NUDT4: variants seen among roughly 807,000 people sequenced by gnomAD.
NUDT4 encodes nudix hydrolase 4.
In NUDT4, 5 loss-of-function variants were observed where a neutral mutation model predicts 23.1. The ratio of observed to expected loss-of-function variants is 0.22; its 90% CI spans 0.11 to 0.46. The LOEUF is 0.46. NUDT4 is among the 20% of genes least tolerant of loss of function. The pLI is 0.99. For missense variants in NUDT4, 96 were observed against 211.6 expected (o/e 0.45, Z 3.39); for synonymous variants, 50 against 79.0 (o/e 0.63, Z 1.95).
At chr12:93,389,746 C>G (rs1876354140) in intron 1 of NUDT4, among the ~76,000 whole-genome samples, 1 of 150,042 alleles carries the variant, frequency 6.7e-6, no homozygotes, top group Non-Finnish European at 1.5e-5. Flanking sequence ...ACTAAAAGTA[C>G]CAAAATGAGC....
intron 1 of NUDT4, among the ~76,000 whole-genome samples, chr12:93,386,214 C>T (rs1323138718): frequency 6.6e-6 from 1 of 151,904 alleles, no homozygotes; most frequent in African/African-American, 2.4e-5. Context: ...TAGACTCAGT[C>T]CGCCTGCCTT....
chr12:93,385,906 T>C lies in NUDT4; in HGVS notation c.99+7485T>C, dbSNP rs556030074. Among the ~76,000 whole-genome samples the C allele has an allele frequency of 8.7e-3, 1,060 of 121,336 alleles. 14 individuals carry two copies. Among genetic ancestry groups the C allele is most frequent in the African/African-American group, 0.037 (1,023 of 27,440 alleles). The allele number at this position is 121,336 out of a possible 152,430, so 79.6% of individuals were successfully genotyped here. ...AAATTTGATTTTAGATTTCTGCATG[T>C]ATAGATTTTATATATATATATATAG... On this transcript the variant is annotated intron_variant, in intron 1 of 4. Coordinates refer to ENST00000415493, the MANE Select transcript of NUDT4 (RefSeq NM_019094.6).
In NUDT4 at chr12:93,391,740, TATC is replaced by T. The variant is rs1386008263; in HGVS notation, c.100-2859_100-2857del. ...TGTCCAAGTGAGACCCTGTCTTAGT[TATC>T]ATCATCATCTCTATGCACACTGGGA... On this transcript the variant is annotated intron_variant, in intron 1 of 4. Coordinates refer to ENST00000415493, the MANE Select transcript of NUDT4 (RefSeq NM_019094.6). Among the ~76,000 whole-genome samples the T allele has an allele frequency of 2.6e-5, 4 of 151,990 alleles. No individual in the cohort carries two copies. In the East Asian group the frequency reaches 7.7e-4, roughly 29 times the overall value.
In NUDT4 at chr12:93,407,669, T is replaced by A. The variant is rs908249715; in HGVS notation, c.*8290T>A. On this transcript the variant is annotated 3_prime_UTR_variant, in exon 5 of 5. Transcript: ENST00000415493. Reference sequence around the variant, plus strand: ...AAGTTACCCGAATTCTGGATTTTCATGCAAATCTCCCAATTTTTAAAAATG... The same window carrying A: ...AAGTTACCCGAATTCTGGATTTTCAAGCAAATCTCCCAATTTTTAAAAATG... The A allele has an allele frequency of 6.6e-5, 10 of 152,226 alleles. No individual in the cohort carries two copies. Among genetic ancestry groups the A allele is most frequent in the African/African-American group, 2.2e-4 (9 of 41,444 alleles). 9.4% of individuals were successfully genotyped at this position (152,226 alleles called of 1,614,324 possible).
chr12:93,405,397 C>CT lies in NUDT4; in HGVS notation c.*6019dup, dbSNP rs1189119235. ...GTAGAGACAGAGGTTGGTATCAAGT[C>CT]TATGTTCATACACTTACCAGTGCCA... On this transcript the variant is annotated 3_prime_UTR_variant, in exon 5 of 5. Coordinates refer to ENST00000415493, the MANE Select transcript of NUDT4 (RefSeq NM_019094.6). The CT allele has an allele frequency of 2.6e-5, 4 of 152,186 alleles. No homozygotes were observed. The highest frequency in any genetic ancestry group is 4.4e-5 in the Non-Finnish European group (3 of 68,030). 9.4% of individuals were successfully genotyped at this position (152,186 alleles called of 1,614,324 possible). A position where few individuals can be genotyped will look rare whatever the true frequency, so the allele number is the denominator to read the frequency against.
chr12:93,385,968 T>TATATATATATATATATATATACAC (rs1555193197), intron 1 of NUDT4, among the ~76,000 whole-genome samples: 1 of 133,618 alleles, frequency 7.5e-6, no homozygotes, highest in African/African-American at 2.8e-5. Flanking sequence ...TATATATATA[T>TATATATATATATATATATATACAC]ATACATAATT....
At chr12:93,379,855 A>G (rs1875529729) in intron 1 of NUDT4, among the ~76,000 whole-genome samples, 1 of 152,260 alleles carries the variant, frequency 6.6e-6, no homozygotes, top group Non-Finnish European at 1.5e-5. Flanking sequence ...AACTTTAAAT[A>G]TAAAAGAAAT....
chr12:93,384,842 C>T (rs754356284), intron 1 of NUDT4, among the ~76,000 whole-genome samples: 6 of 152,066 alleles, frequency 3.9e-5, no homozygotes, highest in Admixed American at 2.0e-4. Context: ...CTGCAACCTC[C>T]GCCTCCCAGG....
chr12:93,399,181 GAAGA>G lies in NUDT4; in HGVS notation c.346_349del (p.Lys116GlufsTer6), dbSNP rs1877165296. 6.2e-7 allele frequency: 1 copy of G among 1,607,252 alleles called. No homozygotes were observed. Among genetic ancestry groups the G allele is most frequent in the Admixed American group, 1.7e-5 (1 of 59,986 alleles). ...CAATGTCATTCTTTTCTCTAGGAAGGAAGAGAGAGTGGTTCAAAGTAGAAGATGC... is the reference window on the plus strand; with the variant it reads ...CAATGTCATTCTTTTCTCTAGGAAGGGAGAGTGGTTCAAAGTAGAAGATGC... On this transcript the variant is annotated frameshift_variant, in exon 5 of 5. Transcript: ENST00000415493. LOFTEE classifies it high-confidence loss of function.
chr12:93,396,402 G>A (rs1033125711), intron 3 of NUDT4, among the ~76,000 whole-genome samples: 2 of 152,170 alleles, frequency 1.3e-5, no homozygotes, highest in Non-Finnish European at 2.9e-5. Flanking sequence ...AGGGAGAAAG[G>A]AGGTCCAGAT....
intron 1 of NUDT4, among the ~76,000 whole-genome samples, chr12:93,382,283 A>G (rs1419762453): frequency 2.7e-5 from 4 of 147,418 alleles, no homozygotes; most frequent in Non-Finnish European, 6.0e-5. Flanking sequence ...AAAAAAAAAC[A>G]ACAAAAAAAA....
Position 93,403,903 on chromosome 12 carries a change from T to TAAAC in NUDT4, c.*4526_*4529dup, listed in dbSNP as rs961925000. On this transcript the variant is annotated 3_prime_UTR_variant, in exon 5 of 5. Coordinates refer to ENST00000415493, the MANE Select transcript of NUDT4 (RefSeq NM_019094.6). ...CAAGCAAGACATTATAGCAAAGACC[T>TAAAC]AAACACTCAAAGGTTCAACGTCTTC... The TAAAC allele has an allele frequency of 2.0e-5, 3 of 152,234 alleles. No homozygotes were observed. Among genetic ancestry groups the TAAAC allele is most frequent in the Non-Finnish European group, 2.9e-5 (2 of 68,050 alleles). 9.4% of individuals were successfully genotyped at this position (152,234 alleles called of 1,614,324 possible). A position where few individuals can be genotyped will look rare whatever the true frequency, so the allele number is the denominator to read the frequency against.
intron 1 of NUDT4, among the ~76,000 whole-genome samples, chr12:93,385,400 A>C (rs1875983425): frequency 6.6e-6 from 1 of 152,202 alleles, no homozygotes; most frequent in African/African-American, 2.4e-5. Flanking sequence ...ATATAGTCAC[A>C]GCTCTGATTT....
At position 93,406,666 on chromosome 12, in the gene NUDT4, T is replaced by C. The variant is rs997329760; in HGVS notation, c.*7287T>C. 2.0e-5 allele frequency: 3 copies of C among 152,228 alleles called. No individual in the cohort carries two copies. The highest frequency in any genetic ancestry group is 2.4e-5 in the African/African-American group (1 of 41,454). The allele number at this position is 152,228 out of a possible 1,614,324, so 9.4% of individuals were successfully genotyped here. A position where few individuals can be genotyped will look rare whatever the true frequency, so the allele number is the denominator to read the frequency against. The stretch of plus-strand genomic sequence containing the variant: ...ATTTTTGTCATTATTCCTTAAACAA[T>C]AGTGTAACTATTTACATAGCACTTA... On this transcript the variant is annotated 3_prime_UTR_variant, in exon 5 of 5. Transcript: ENST00000415493.
At chr12:93,390,849 A>G (rs1876445313) in intron 1 of NUDT4, among the ~76,000 whole-genome samples, 1 of 152,058 alleles carries the variant, frequency 6.6e-6, no homozygotes, top group Admixed American at 6.6e-5. Context: ...TGGCCTCCCA[A>G]AGTGCTGGGA....
chr12:93,387,142 G>A (rs1876163146), intron 1 of NUDT4, among the ~76,000 whole-genome samples: 1 of 152,008 alleles, frequency 6.6e-6, no homozygotes, highest in Non-Finnish European at 1.5e-5. Flanking sequence ...ATGTTGGCCA[G>A]GCTGGTCTTG....
chr12:93,404,139 A>C lies in NUDT4; in HGVS notation c.*4760A>C, dbSNP rs777693038. 6.6e-6 allele frequency: 1 copy of C among 152,214 alleles called. No homozygotes were observed. Among genetic ancestry groups the C allele is most frequent in the Non-Finnish European group, 1.5e-5 (1 of 68,044 alleles). 9.4% of individuals were successfully genotyped at this position (152,214 alleles called of 1,614,324 possible). A position where few individuals can be genotyped will look rare whatever the true frequency, so the allele number is the denominator to read the frequency against. ...TTCCTCAAATTCATGTTAGTGAAGT[A>C]CTTTCATTTGGCCATCATTATTTAT... On this transcript the variant is annotated 3_prime_UTR_variant, in exon 5 of 5. Coordinates refer to ENST00000415493, the MANE Select transcript of NUDT4 (RefSeq NM_019094.6).
In NUDT4 at chr12:93,406,460, CTGTT is replaced by C; in HGVS notation, c.*7082_*7085del. 1 of 152,002 alleles carries C rather than the reference CTGTT, an allele frequency of 6.6e-6. No homozygotes were observed. The highest frequency in any genetic ancestry group is 1.9e-4 in the East Asian group (1 of 5,190). The allele number at this position is 152,002 out of a possible 1,614,324, so 9.4% of individuals were successfully genotyped here. ...CAACCATAGCACCTGTGACTTTTATCTGTTGGTTTGTATTTAATCTTATTTTTAA... is the reference window on the plus strand; with the variant it reads ...CAACCATAGCACCTGTGACTTTTATCGGTTTGTATTTAATCTTATTTTTAA... On this transcript the variant is annotated 3_prime_UTR_variant, in exon 5 of 5. Coordinates refer to ENST00000415493, the MANE Select transcript of NUDT4 (RefSeq NM_019094.6).
At chr12:93,384,511 T>C (rs937899771) in intron 1 of NUDT4, among the ~76,000 whole-genome samples, 4 of 152,080 alleles carry the variant, frequency 2.6e-5, no homozygotes, top group Non-Finnish European at 1.5e-5. Context: ...ATTGGAAGAA[T>C]TGTCTTGGGC....
Sources: gnomAD v4.1 joint callset for allele counts (sites outside exome capture counted in the v4.1 genomes callset) on GRCh38, gnomAD v4.1.1 for gene constraint, MANE v1.5 for transcripts, NCBI Gene and HGNC (gene_info 2026-07-23, HGNC 2026-07-21) for gene names.